The following LRRC4C variants were observed in gnomAD, a reference collection of about 807,000 sequenced individuals.
LRRC4C encodes the protein leucine rich repeat containing 4C, also known as leucine-rich repeat-containing protein 4C.
LRRC4C carries 5 observed loss-of-function variants against 33.6 expected under a neutral mutation model. That is an observed-to-expected ratio of 0.15 (90% CI 0.08 to 0.31). The LOEUF (loss-of-function observed/expected upper bound fraction) is 0.31. Among genes scored for constraint, LRRC4C ranks in the 10% least tolerant of loss-of-function variants. LRRC4C has a pLI of 1.00. For missense variants in LRRC4C, 560 were observed against 796.7 expected (o/e 0.70, Z 3.58); for synonymous variants, 329 against 302.0 (o/e 1.09, Z -0.93).
chr11:40,309,939 C>T (rs1174551638), intron 4 of LRRC4C, among the ~76,000 whole-genome samples: 2 of 152,144 alleles, frequency 1.3e-5, no homozygotes, highest in Non-Finnish European at 2.9e-5. Context: ...CATCTTCTTC[C>T]CTCCTGCTGG....
chr11:41,372,266 A>G (rs77910582), intron 1 of LRRC4C, among the ~76,000 whole-genome samples: 2,903 of 152,358 alleles, frequency 0.019, 90 homozygotes, highest in African/African-American at 0.067. Context: ...AAAGAGAGCA[A>G]CTAAGTAACC....
intron 1 of LRRC4C, among the ~76,000 whole-genome samples, chr11:40,981,074 G>T (rs1852483589): frequency 6.6e-6 from 1 of 152,178 alleles, no homozygotes; most frequent in Admixed American, 6.5e-5. Flanking sequence ...ACAGCTAGTC[G>T]GGTATGGGGG....
intron 1 of LRRC4C, among the ~76,000 whole-genome samples, chr11:41,342,260 T>C (rs1364181717): frequency 6.6e-6 from 1 of 152,214 alleles, no homozygotes; most frequent in Non-Finnish European, 1.5e-5. Context: ...ATTATGCTAT[T>C]AGGTCATTAA....
intron 4 of LRRC4C, among the ~76,000 whole-genome samples, chr11:40,286,942 A>G (rs1233183401): frequency 6.6e-6 from 1 of 152,136 alleles, no homozygotes; most frequent in Non-Finnish European, 1.5e-5. Flanking sequence ...TTTCTCACTG[A>G]ATACTATGGG....
At chr11:40,547,763 T>G (rs187574400) in intron 3 of LRRC4C, among the ~76,000 whole-genome samples, 1 of 152,236 alleles carries the variant, frequency 6.6e-6, no homozygotes, top group Admixed American at 6.6e-5. Flanking sequence ...TGCTCTCACC[T>G]ACTGAGATAC....
At chr11:41,018,080 T>C (rs1855717244) in intron 1 of LRRC4C, among the ~76,000 whole-genome samples, 1 of 151,968 alleles carries the variant, frequency 6.6e-6, no homozygotes, top group South Asian at 2.1e-4. Context: ...CCAGGGGCAA[T>C]AAAATAAATT....
intron 2 of LRRC4C, among the ~76,000 whole-genome samples, chr11:40,812,746 G>A (rs1477800008): frequency 6.6e-6 from 1 of 152,108 alleles, no homozygotes; most frequent in Non-Finnish European, 1.5e-5. Context: ...AGCTTCTGTG[G>A]ATAATGGAAA....
chr11:40,882,759 T>C (rs745987451), intron 2 of LRRC4C, among the ~76,000 whole-genome samples: 15 of 152,140 alleles, frequency 9.9e-5, no homozygotes, highest in Non-Finnish European at 1.6e-4. Context: ...CTTCATTTTC[T>C]TCTCCTCCTC....
At chr11:40,855,761 T>G (rs1953747159) in intron 2 of LRRC4C, among the ~76,000 whole-genome samples, 1 of 152,170 alleles carries the variant, frequency 6.6e-6, no homozygotes, top group Non-Finnish European at 1.5e-5. Flanking sequence ...CCTTCCTGCT[T>G]TTGCTGGAGA....
At chr11:41,290,230 G>A (rs539936480) in intron 1 of LRRC4C, among the ~76,000 whole-genome samples, 5 of 152,286 alleles carry the variant, frequency 3.3e-5, no homozygotes, top group South Asian at 2.1e-4. Flanking sequence ...TCTCAAAGGA[G>A]TTTGCTTTTT....
At chr11:40,402,461 A>G (rs890997357) in intron 3 of LRRC4C, among the ~76,000 whole-genome samples, 2 of 152,124 alleles carry the variant, frequency 1.3e-5, no homozygotes, top group Non-Finnish European at 2.9e-5. Flanking sequence ...TTTATTCATG[A>G]CAAAATGGAA....
rs116367479 is a variant in LRRC4C, at chr11:40,455,523, C to A, written c.-269-135802G>T. 5.8e-3 allele frequency among the ~76,000 whole-genome samples: 889 copies of A among 152,296 alleles called. 9 individuals carry two copies. Among genetic ancestry groups the A allele is most frequent in the African/African-American group, 0.02 (849 of 41,576 alleles). ...GAAGGGAAGGTGAAATGGGGGGCAG[C>A]TAGTTTCCTATTTCCCGTGTGCTTA... On this transcript the variant is annotated intron_variant, in intron 3 of 6. Coordinates refer to ENST00000528697, the MANE Select transcript of LRRC4C (RefSeq NM_001258419.2).
At chr11:40,151,255 A>G (rs999419173) in intron 5 of LRRC4C, among the ~76,000 whole-genome samples, 16 of 152,106 alleles carry the variant, frequency 1.1e-4, no homozygotes, top group Non-Finnish European at 2.2e-4. Flanking sequence ...CCAAACCACA[A>G]CCAGACAACA....
intron 3 of LRRC4C, among the ~76,000 whole-genome samples, chr11:40,468,774 A>G (rs1003899532): frequency 6.6e-6 from 1 of 152,210 alleles, no homozygotes; most frequent in African/African-American, 2.4e-5. Flanking sequence ...ACAAAAAAGG[A>G]AGCTGAAAAA....
intron 4 of LRRC4C, among the ~76,000 whole-genome samples, chr11:40,289,808 C>G (rs184746469): frequency 1.3e-5 from 2 of 152,184 alleles, no homozygotes; most frequent in Admixed American, 6.5e-5. Context: ...CCTTAGATGC[C>G]CCATTAACTC....
intron 1 of LRRC4C, among the ~76,000 whole-genome samples, chr11:41,382,359 T>C (rs966078745): frequency 2.0e-5 from 3 of 151,990 alleles, no homozygotes; most frequent in African/African-American, 7.2e-5. Context: ...CCAGCAAAAG[T>C]AGCATTTGAA....
chr11:40,845,630 G>T (rs766528100), intron 2 of LRRC4C, among the ~76,000 whole-genome samples: 1 of 152,094 alleles, frequency 6.6e-6, no homozygotes, highest in Non-Finnish European at 1.5e-5. Flanking sequence ...AAATAGTGGT[G>T]CAATAAACAT....
At chr11:40,701,781 T>C (rs1224911723) in intron 2 of LRRC4C, among the ~76,000 whole-genome samples, 1 of 151,824 alleles carries the variant, frequency 6.6e-6, no homozygotes, top group Non-Finnish European at 1.5e-5. Flanking sequence ...AGAGTCACCC[T>C]ATTTAATGAT....
At chr11:40,949,021 C>T (rs1294550510) in intron 1 of LRRC4C, among the ~76,000 whole-genome samples, 1 of 152,052 alleles carries the variant, frequency 6.6e-6, no homozygotes, top group African/African-American at 2.4e-5. Context: ...ACATCCTCTC[C>T]AGCACCTGTT....
Sources: allele counts gnomAD v4.1 joint callset (sites outside exome capture counted in the v4.1 genomes callset), GRCh38; gene constraint gnomAD v4.1.1; transcripts MANE v1.5; gene names NCBI Gene and HGNC (gene_info 2026-07-23, HGNC 2026-07-21).